TRIM62: variants seen among roughly 807,000 people sequenced by gnomAD.
TRIM62 encodes tripartite motif containing 62.
A neutral mutation model predicts 44.2 loss-of-function variants in TRIM62; 39 were observed. The observed-to-expected ratio is 0.88, with a 90% confidence interval of 0.68 to 1.15. The LOEUF is 1.15. TRIM62 is among the 50% of genes most tolerant of loss of function. The pLI, the probability that TRIM62 is intolerant of heterozygous loss-of-function variation, is 0.00. For synonymous variants in TRIM62, 278 were observed against 292.3 expected (o/e 0.95, Z 0.50); for missense variants, 544 against 665.5 (o/e 0.82, Z 2.01).
chr1:33,153,614 T>C (rs1645133381), intron 4 of TRIM62, among the ~76,000 whole-genome samples: 1 of 152,170 alleles, frequency 6.6e-6, no homozygotes. Context: ...AACCCTGCAC[T>C]GGGGTGATGG....
At chr1:33,168,975 A>T (rs545095914) in intron 1 of TRIM62, among the ~76,000 whole-genome samples, 2 of 151,690 alleles carry the variant, frequency 1.3e-5, no homozygotes, top group East Asian at 3.9e-4. Flanking sequence ...CTGATTTTGC[A>T]GTCAGGGAAT....
chr1:33,152,482 G>A (rs60861861), intron 4 of TRIM62, among the ~76,000 whole-genome samples: 3,542 of 151,792 alleles, frequency 0.023, 111 homozygotes, highest in African/African-American at 0.08. Flanking sequence ...CAGGAGAATC[G>A]CTTGAATCTG....
At chr1:33,157,254 G>T (rs184906247) in intron 4 of TRIM62, among the ~76,000 whole-genome samples, 1 of 152,040 alleles carries the variant, frequency 6.6e-6, no homozygotes, top group African/African-American at 2.4e-5. Context: ...CTCCAGCCAC[G>T]TTAACCTCCT....
chr1:33,164,042 G>A (rs1411289839), intron 2 of TRIM62: 1 of 152,312 alleles, frequency 6.6e-6, no homozygotes, highest in African/African-American at 2.4e-5. Flanking sequence ...CTCTCATACA[G>A]AGAGAGGCTT....
rs1419587446 is a variant in TRIM62 at position 33,181,538 on chromosome 1, G to A, written c.-106C>T. 4.8e-6 allele frequency: 7 copies of A among 1,443,440 alleles called. No homozygotes were observed. The highest frequency in any genetic ancestry group is 1.4e-5 in the South Asian group (1 of 69,088). The allele number at this position is 1,443,440 out of a possible 1,614,324, so 89.4% of individuals were successfully genotyped here. A position where few individuals can be genotyped will look rare whatever the true frequency, so the allele number is the denominator to read the frequency against. On this transcript the variant is annotated 5_prime_UTR_variant, in exon 1 of 5. Transcript: ENST00000291416. The surrounding 1 kb of genome is among the most constrained non-coding windows in gnomAD (Gnocchi z 6.5). ...AGGGCTGGGCGCGGGGACGAGGCCC[G>A]CACAGGCAGGGGTAGGAGCTACCGG...
At position 33,159,967 on chromosome 1, in the gene TRIM62, G is replaced by T. The variant is rs767894535; in HGVS notation, c.505-23C>A. On this transcript the variant is annotated intron_variant, in intron 2 of 4. Transcript: ENST00000291416. The surrounding 1 kb of genome is among the most constrained non-coding windows in gnomAD (Gnocchi z 4.2). The stretch of plus-strand genomic sequence containing the variant: ...AGACTGTGGGGGACAGTCGTCAGGG[G>T]TTATGGCTGGGGGAGCAGATGGGGT... 6.3e-7 allele frequency: 1 copy of T among 1,591,970 alleles called. No homozygotes were observed. The highest frequency in any genetic ancestry group is 8.5e-7 in the Non-Finnish European group (1 of 1,172,418).
At chr1:33,169,325 C>G (rs758770333) in intron 1 of TRIM62, among the ~76,000 whole-genome samples, 1 of 152,142 alleles carries the variant, frequency 6.6e-6, no homozygotes, top group Non-Finnish European at 1.5e-5. Flanking sequence ...TGATTCCTAC[C>G]GCCTCCAAAC....
In TRIM62 at chr1:33,165,692, G is replaced by T; in HGVS notation, c.409-126C>A. On this transcript the variant is annotated intron_variant, in intron 1 of 4. Coordinates refer to ENST00000291416, the MANE Select transcript of TRIM62 (RefSeq NM_018207.3). The surrounding 1 kb of genome is among the most constrained non-coding windows in gnomAD (Gnocchi z 4.0). The stretch of plus-strand genomic sequence containing the variant: ...CCCCAACCTCCAACACTTGCCTCCC[G>T]TCACAGTTCAACCACCAGCAAGTCC... The T allele has an allele frequency of 1.4e-6, 1 of 722,338 alleles. No homozygotes were observed. 44.7% of individuals were successfully genotyped at this position (722,338 alleles called of 1,614,324 possible). A position where few individuals can be genotyped will look rare whatever the true frequency, so the allele number is the denominator to read the frequency against.
At chr1:33,158,046 C>T (rs181095347) in intron 4 of TRIM62, among the ~76,000 whole-genome samples, 3 of 152,258 alleles carry the variant, frequency 2.0e-5, no homozygotes, top group African/African-American at 4.8e-5. Context: ...TGAGCCACCA[C>T]GCCCAGCCAT....
rs556469487 is a variant in TRIM62, at chr1:33,146,996, G to T, written c.*181C>A. 4.7e-6 allele frequency: 3 copies of T among 637,294 alleles called. No individual in the cohort carries two copies. The highest frequency in any genetic ancestry group is 5.5e-5 in the East Asian group (2 of 36,490). 39.5% of individuals were successfully genotyped at this position (637,294 alleles called of 1,614,324 possible). A position where few individuals can be genotyped will look rare whatever the true frequency, so the allele number is the denominator to read the frequency against. The stretch of plus-strand genomic sequence containing the variant: ...TCAGAGCTACAGAACATCGATGCTG[G>T]AAGAGAGTTTAGGAAGTAGGGAATG... On this transcript the variant is annotated 3_prime_UTR_variant, in exon 5 of 5. Transcript: ENST00000291416.
intron 4 of TRIM62, among the ~76,000 whole-genome samples, chr1:33,157,580 G>A (rs558583047): frequency 2.6e-5 from 4 of 152,124 alleles, no homozygotes; most frequent in African/African-American, 7.2e-5. Flanking sequence ...TGTAAGATGC[G>A]TGAGGGCAGG....
chr1:33,161,901 G>A lies in TRIM62; in HGVS notation c.505-1957C>T, dbSNP rs536338153. Among the ~76,000 whole-genome samples the A allele has an allele frequency of 3.3e-5, 5 of 152,222 alleles. No individual in the cohort carries two copies. The East Asian group carries it at 7.7e-4, about 24-fold the overall frequency. ...CCCATGTTCCTCGGGGCTCATCCAG[G>A]TCAGCGCCTTCCATCCTCACCCTGA... On this transcript the variant is annotated intron_variant, in intron 2 of 4. Coordinates refer to ENST00000291416, the MANE Select transcript of TRIM62 (RefSeq NM_018207.3). The surrounding 1 kb of genome is among the most constrained non-coding windows in gnomAD (Gnocchi z 4.3).
At chr1:33,154,889 C>T (rs1447553458) in intron 4 of TRIM62, among the ~76,000 whole-genome samples, 1 of 151,670 alleles carries the variant, frequency 6.6e-6, no homozygotes, top group Non-Finnish European at 1.5e-5. Flanking sequence ...GTCAGGAGAT[C>T]GAGACCATCC....
chr1:33,178,592 TAGC>T (rs1198313307), intron 1 of TRIM62, among the ~76,000 whole-genome samples: 1 of 152,162 alleles, frequency 6.6e-6, no homozygotes, highest in African/African-American at 2.4e-5. Context: ...GAACCTCAAA[TAGC>T]AGGTTAATCC....
chr1:33,180,967 G>A (rs1296763700), intron 1 of TRIM62, 58 bp downstream of exon 1: 8 of 372,470 alleles, frequency 2.1e-5, no homozygotes, highest in African/African-American at 1.5e-4. Flanking sequence ...CCCACCCCCC[G>A]CCCGGCCCCA....
chr1:33,169,298 G>T (rs947966947), intron 1 of TRIM62, among the ~76,000 whole-genome samples: 1 of 152,128 alleles, frequency 6.6e-6, no homozygotes, highest in Non-Finnish European at 1.5e-5. Context: ...CAGAAACCTC[G>T]GAGTGAGAGT....
chr1:33,158,149 C>G, intron 4 of TRIM62, 104 bp downstream of exon 4: 4 of 1,020,864 alleles, frequency 3.9e-6, no homozygotes, highest in Non-Finnish European at 6.0e-6. Flanking sequence ...GCAAGGCACT[C>G]TGCTCATTCA....
intron 4 of TRIM62, among the ~76,000 whole-genome samples, chr1:33,157,692 T>G (rs1645199294): frequency 6.6e-6 from 1 of 152,070 alleles, no homozygotes; most frequent in Admixed American, 6.6e-5. Context: ...CTATGAAGTG[T>G]CCAGGCCTCA....
In TRIM62 at chr1:33,181,212, C is replaced by A; in HGVS notation, c.221G>T (p.Arg74Leu). The change falls in exon 1 of 5, where the codon CGC becomes CTC. Residue 74 changes from arginine to leucine, a missense_variant. Coordinates refer to ENST00000291416, the MANE Select transcript of TRIM62 (RefSeq NM_018207.3). The surrounding 1 kb of genome is among the most constrained non-coding windows in gnomAD (Gnocchi z 6.5). ...PSLKLANIVE[R>L]YSSFPLDAIL... ...GGCGTCCAGCGGGAAGGAGCTGTAG[C>A]GCTCCACGATGTTGGCCAGCTTGAG... 2 of 1,580,678 alleles carry A rather than the reference C, an allele frequency of 1.3e-6. No individual in the cohort carries two copies. Among genetic ancestry groups the A allele is most frequent in the Admixed American group, 1.8e-5 (1 of 56,232 alleles).
Sources: gnomAD v4.1 joint callset for allele counts (sites outside exome capture counted in the v4.1 genomes callset) on GRCh38, gnomAD v4.1.1 for gene constraint, Gnocchi (gnomAD v3.1) non-coding constraint, MANE v1.5 for transcripts, NCBI Gene and HGNC (gene_info 2026-07-23, HGNC 2026-07-21) for gene names.